The following L3MBTL1 variants were observed in gnomAD, a reference collection of about 807,000 sequenced individuals.
L3MBTL1 encodes L3MBTL histone methyl-lysine binding protein 1, also known as lethal(3)malignant brain tumor-like protein 1.
A neutral mutation model predicts 105.3 loss-of-function variants in L3MBTL1; 75 were observed. The ratio of observed to expected loss-of-function variants is 0.71; its 90% CI spans 0.59 to 0.86. L3MBTL1 has a LOEUF of 0.86. L3MBTL1 is among the 40% of genes least tolerant of loss of function. L3MBTL1 has a pLI of 0.00. For synonymous variants in L3MBTL1, 452 were observed against 436.2 expected (o/e 1.04, Z -0.45); for missense variants, 1,069 against 1,126.4 (o/e 0.95, Z 0.73).
At chr20:43,513,710 T>C (rs2018203810) in intron 2 of L3MBTL1, 71 bp downstream of exon 2, 1 of 1,544,656 alleles carries the variant, frequency 6.5e-7, no homozygotes, top group African/African-American at 1.4e-5. Context: ...GTGTGGATCC[T>C]GGAGAGGGGA....
At chr20:43,518,681 T>C (rs1409412169) in intron 7 of L3MBTL1, among the ~76,000 whole-genome samples, 1 of 151,834 alleles carries the variant, frequency 6.6e-6, no homozygotes, top group Non-Finnish European at 1.5e-5. Flanking sequence ...CTGTTTTTTT[T>C]CCTATCCATA....
chr20:43,515,022 G>C lies in L3MBTL1; in HGVS notation c.516G>C (p.Gln172His), dbSNP rs2018306511. 2 of 1,613,836 alleles carry C rather than the reference G, an allele frequency of 1.2e-6. No individual in the cohort carries two copies. The highest frequency in any genetic ancestry group is 8.5e-7 in the Non-Finnish European group (1 of 1,179,890). Reference sequence around the variant, plus strand: ...TGGCCCCCGCAGAGGACCACCCCCAGAATCCTCCAGAAGATCCCAATCAGG... The same window carrying C: ...TGGCCCCCGCAGAGGACCACCCCCACAATCCTCCAGAAGATCCCAATCAGG... ...AGPQQAEDHP[Q>H]NPPEDPNQDP... Residue 172 changes from glutamine to histidine, a missense_variant, in exon 5 of 22, where the codon CAG becomes CAC. Gln to His is a conservative substitution (Grantham distance 24). Coordinates refer to ENST00000418998, the MANE Select transcript of L3MBTL1 (RefSeq NM_001377303.1).
At chr20:43,514,199 G>A (rs2018231568) in intron 3 of L3MBTL1, 138 bp downstream of exon 3, 1 of 833,052 alleles carries the variant, frequency 1.2e-6, no homozygotes, top group Non-Finnish European at 1.8e-6. Context: ...CTTTGAGTGA[G>A]GGACTCTCGG....
intron 3 of L3MBTL1, 83 bp downstream of exon 3, chr20:43,514,144 C>T (rs573104878): frequency 3.3e-6 from 4 of 1,219,466 alleles, no homozygotes; most frequent in Admixed American, 2.1e-5. Context: ...GGACCTGAGA[C>T]GGAAGTGGGG....
Position 43,540,214 on chromosome 20 carries a change from G to T in L3MBTL1, c.2237G>T (p.Arg746Leu). Residue 746 changes from arginine (R) to leucine (L), a missense_variant, in exon 20 of 22, where the codon CGC becomes CTC. Physicochemically the swap from Arg to Leu is moderately radical, Grantham distance 102 (BLOSUM62 -2). Transcript: ENST00000418998. Reference sequence around the variant, plus strand: ...TCAGCCCTGTCGGCCCACCCTGACCGCTCACTCTCAGTGTGCTGGGAGCAG... The same window carrying T: ...TCAGCCCTGTCGGCCCACCCTGACCTCTCACTCTCAGTGTGCTGGGAGCAG... ...FMSALSAHPD[R>L]SLSVCWEQHC... The T allele has an allele frequency of 6.2e-7, 1 of 1,613,560 alleles. No homozygotes were observed.
In L3MBTL1 at chr20:43,541,498, G is replaced by A. The variant is rs2019914318; in HGVS notation, c.*370G>A. On this transcript the variant is annotated 3_prime_UTR_variant, in exon 22 of 22. Coordinates refer to ENST00000418998, the MANE Select transcript of L3MBTL1 (RefSeq NM_001377303.1). Reference sequence around the variant, plus strand: ...GCTTAACGATGGGGATACATTCTTAGAAATGTGTCACTAGGCAATTCTGTC... The same window carrying A: ...GCTTAACGATGGGGATACATTCTTAAAAATGTGTCACTAGGCAATTCTGTC... 1 of 195,650 alleles carries A rather than the reference G, an allele frequency of 5.1e-6. No individual in the cohort carries two copies. The highest frequency in any genetic ancestry group is 1.1e-5 in the Non-Finnish European group (1 of 93,788). The allele number at this position is 195,650 out of a possible 1,614,324, so 12.1% of individuals were successfully genotyped here. A position where few individuals can be genotyped will look rare whatever the true frequency, so the allele number is the denominator to read the frequency against.
chr20:43,514,025 A>T lies in L3MBTL1; in HGVS notation c.324A>T (p.Thr108=), dbSNP rs924660556. 6.5e-7 allele frequency: 1 copy of T among 1,537,986 alleles called. No individual in the cohort carries two copies. Among genetic ancestry groups the T allele is most frequent in the African/African-American group, 1.4e-5 (1 of 73,114 alleles). The change falls in exon 3 of 22, where the codon ACA becomes ACT. Residue 108 remains threonine (T), a synonymous_variant. Coordinates refer to ENST00000418998, the MANE Select transcript of L3MBTL1 (RefSeq NM_001377303.1). ...GCACAGTGCGGCTTCTGGAATGGAC[A>T]GAGGCCGCGGCCCCGCCCCCAGGGG... ...STSTVRLLEW[T]EAAAPPPGGG... is the part of the protein sequence containing the mutation.
chr20:43,519,841 T>A (rs896155484), intron 7 of L3MBTL1, among the ~76,000 whole-genome samples: 5 of 152,164 alleles, frequency 3.3e-5, no homozygotes, highest in African/African-American at 1.2e-4. Context: ...GAGCAGAAAG[T>A]TCGTTTTGAT....
intron 20 of L3MBTL1, 118 bp downstream of exon 20, chr20:43,540,426 C>T (rs745571801): frequency 1.1e-5 from 13 of 1,163,098 alleles, no homozygotes; most frequent in South Asian, 1.4e-5. Flanking sequence ...CTACCTCTTG[C>T]TCATCTGTCC....
chr20:43,533,534 C>G (rs900795388), intron 13 of L3MBTL1, 116 bp downstream of exon 13: 1 of 811,290 alleles, frequency 1.2e-6, no homozygotes. Context: ...GGTGAGAGAA[C>G]AGACATGTCC....
intron 19 of L3MBTL1, among the ~76,000 whole-genome samples, 200 bp downstream of exon 19, chr20:43,536,658 A>C (rs2019649972): frequency 6.6e-6 from 1 of 152,094 alleles, no homozygotes; most frequent in South Asian, 2.1e-4. Context: ...TTCCAATCTC[A>C]TGTCCCCCAT....
At chr20:43,532,734 G>C in intron 11 of L3MBTL1, 39 bp from the exon 12 acceptor site, 3 of 1,613,176 alleles carry the variant, frequency 1.9e-6, no homozygotes, top group Non-Finnish European at 2.5e-6. Flanking sequence ...GTCTTAGCCA[G>C]CTTGGCCCTG....
At position 43,533,448 on chromosome 20, in the gene L3MBTL1, T is replaced by G. The variant is rs765700581; in HGVS notation, c.1513+30T>G. 4 of 1,592,856 alleles carry G rather than the reference T, an allele frequency of 2.5e-6. No individual in the cohort carries two copies. The Middle Eastern group carries it at 5.0e-4, about 200-fold the overall frequency. On this transcript the variant is annotated intron_variant, in intron 13 of 21. Transcript: ENST00000418998. ...CCCTGCAGCCTGAGCAAGCCCCCTT[T>G]CCTAAGCCTGGCTCTGCTTCCCTCT... is the stretch of plus-strand genomic sequence containing the variant.
chr20:43,528,721 T>C lies in L3MBTL1; in HGVS notation c.927T>C (p.Thr309=), dbSNP rs762433111. The C allele has an allele frequency of 6.2e-7, 1 of 1,614,024 alleles. No individual in the cohort carries two copies. Among genetic ancestry groups the C allele is most frequent in the Non-Finnish European group, 8.5e-7 (1 of 1,179,874 alleles). ...ESYLEEQKAI[T]APVSLFQDSQ... ...ACCTAGAGGAGCAGAAGGCCATTAC[T>C]GCTCCAGTCAGCCTCTTCCAGGACG... The change falls in exon 8 of 22, where the codon ACT becomes ACC. Residue 309 remains threonine (T), a synonymous_variant. Coordinates refer to ENST00000418998, the MANE Select transcript of L3MBTL1 (RefSeq NM_001377303.1).
chr20:43,515,298 C>T lies in L3MBTL1; in HGVS notation c.660C>T (p.Val220=). 6.2e-7 allele frequency: 1 copy of T among 1,605,782 alleles called. No homozygotes were observed. Among genetic ancestry groups the T allele is most frequent in the Non-Finnish European group, 8.5e-7 (1 of 1,175,772 alleles). The change falls in exon 6 of 22, where the codon GTC becomes GTT. Residue 220 remains valine (V), a synonymous_variant. Coordinates refer to ENST00000418998, the MANE Select transcript of L3MBTL1 (RefSeq NM_001377303.1). ...GCPQLFQERS[V]IVENSSGSTS... is the part of the protein sequence containing the mutation. The stretch of plus-strand genomic sequence containing the variant: ...AAGGCTGGCCCTTCCTCAGGTCAGT[C>T]ATAGTGGAGAACTCCTCAGGCTCTA...
At chr20:43,537,436 T>G (rs2073656959) in intron 19 of L3MBTL1, among the ~76,000 whole-genome samples, 1 of 152,192 alleles carries the variant, frequency 6.6e-6, no homozygotes, top group Non-Finnish European at 1.5e-5. Context: ...CCAAAGTGTC[T>G]CTTCTTGTAA....
At chr20:43,524,369 C>T (rs1185422359) in intron 7 of L3MBTL1, among the ~76,000 whole-genome samples, 1 of 151,958 alleles carries the variant, frequency 6.6e-6, no homozygotes, top group East Asian at 1.9e-4. Flanking sequence ...ATACTAAGTG[C>T]CTCCTATGTA....
chr20:43,532,622 A>C, intron 11 of L3MBTL1, 151 bp from the exon 12 acceptor site: 7 of 775,658 alleles, frequency 9.0e-6, no homozygotes, highest in Non-Finnish European at 1.4e-5. Context: ...TCTGCCCTGG[A>C]GGGCCCTCTT....
intron 7 of L3MBTL1, among the ~76,000 whole-genome samples, chr20:43,521,063 CG>C (rs1346665783): frequency 6.6e-6 from 1 of 152,164 alleles, no homozygotes; most frequent in Non-Finnish European, 1.5e-5. Context: ...TGTTCCCAGG[CG>C]TAGATCCCTA....
Sources: gnomAD v4.1 joint callset for allele counts (sites outside exome capture counted in the v4.1 genomes callset) on GRCh38, gnomAD v4.1.1 for gene constraint, MANE v1.5 for transcripts, NCBI Gene and HGNC (gene_info 2026-07-23, HGNC 2026-07-21) for gene names.